UGGT1: variants seen among roughly 807,000 people sequenced by gnomAD.
UGGT1 encodes UDP-glucose:glycoprotein glucosyltransferase 1.
A neutral mutation model predicts 203.9 loss-of-function variants in UGGT1; 107 were observed. That is an observed-to-expected ratio of 0.52 (90% CI 0.45 to 0.62). UGGT1 has a LOEUF of 0.62. Ranked by LOEUF, UGGT1 falls within the 20% of genes least tolerant of loss-of-function variation. UGGT1 has a pLI of 0.00. For missense variants in UGGT1, 1,673 were observed against 1,867.2 expected, an observed-to-expected ratio of 0.90 and a Z score of 1.92; for synonymous variants, 628 against 653.5, an observed-to-expected ratio of 0.96 and a Z score of 0.59.
At chr2:128,150,514 C>T (rs185001210) in intron 18 of UGGT1, among the ~76,000 whole-genome samples, 5 of 152,206 alleles carry the variant, frequency 3.3e-5, no homozygotes, top group African/African-American at 1.2e-4. Context: ...TAGCCATACA[C>T]CCCTGTGCTG....
At position 128,122,867 on chromosome 2, in the gene UGGT1, T is replaced by G. The variant is rs73955924; in HGVS notation, c.1074-319T>G. 4.1e-3 allele frequency among the ~76,000 whole-genome samples: 632 copies of G among 152,324 alleles called. 5 individuals carry two copies. The highest frequency in any genetic ancestry group is 0.013 in the African/African-American group (554 of 41,568). On this transcript the variant is annotated intron_variant, in intron 10 of 40. Coordinates refer to ENST00000259253, the MANE Select transcript of UGGT1 (RefSeq NM_020120.4). ...TGGGAAGAGCAATCTGCTGCCTTGG[T>G]GTATTCAACATTATCCTTTTAGCCT...
chr2:128,093,232 C>T (rs1464184076), intron 1 of UGGT1, among the ~76,000 whole-genome samples: 2 of 144,924 alleles, frequency 1.4e-5, no homozygotes, highest in South Asian at 2.3e-4. Flanking sequence ...AGGGGGATCT[C>T]GAGGCAGGCC....
rs757032881 is a variant in UGGT1 at position 128,171,261 on chromosome 2, ACTTTCTGACATGC to A, written c.3086_3098del (p.Ser1029Ter). ...GAGTATTTATGAACTGCCAATCCAA[ACTTTCTGACATGC>A]CTTTAAAAAGGTAAAACATGCTATG... On this transcript the variant is annotated frameshift_variant, in exon 28 of 41. Coordinates refer to ENST00000259253, the MANE Select transcript of UGGT1 (RefSeq NM_020120.4). LOFTEE classifies it high-confidence loss of function. 1 of 1,613,594 alleles carries A rather than the reference ACTTTCTGACATGC, an allele frequency of 6.2e-7. No homozygotes were observed. Among genetic ancestry groups the A allele is most frequent in the Non-Finnish European group, 8.5e-7 (1 of 1,179,856 alleles).
At chr2:128,145,501 A>AACAC (rs538390479) in intron 17 of UGGT1, among the ~76,000 whole-genome samples, 9 of 104,860 alleles carry the variant, frequency 8.6e-5, no homozygotes, top group African/African-American at 2.2e-4. Flanking sequence ...CACACACACA[A>AACAC]ACACACACAC....
At chr2:128,172,286 T>G (rs1428461763) in intron 28 of UGGT1, among the ~76,000 whole-genome samples, 3 of 152,112 alleles carry the variant, frequency 2.0e-5, no homozygotes, top group African/African-American at 7.2e-5. Flanking sequence ...GGCTGCTGAG[T>G]ATGAGCTAGA....
At chr2:128,183,095 T>C (rs942924627) in intron 37 of UGGT1, among the ~76,000 whole-genome samples, 1 of 152,234 alleles carries the variant, frequency 6.6e-6, no homozygotes, top group African/African-American at 2.4e-5. Context: ...ATTTGTGAGA[T>C]AAATTCCTAG....
intron 18 of UGGT1, among the ~76,000 whole-genome samples, chr2:128,146,311 G>A (rs948909231): frequency 2.6e-4 from 40 of 151,576 alleles, no homozygotes; most frequent in Admixed American, 2.0e-3. Context: ...ACCCTGTCCC[G>A]TTAAAAAAAA....
At chr2:128,178,649 G>T (rs1030316332) in intron 34 of UGGT1, 80 bp downstream of exon 34, 3 of 1,253,178 alleles carry the variant, frequency 2.4e-6, no homozygotes, top group Non-Finnish European at 3.4e-6. Context: ...GGTTTTGTGG[G>T]ATTCTGCTCA....
intron 37 of UGGT1, among the ~76,000 whole-genome samples, chr2:128,182,664 A>T (rs1331389624): frequency 4.4e-5 from 6 of 136,884 alleles, no homozygotes; most frequent in Non-Finnish European, 7.6e-5. Flanking sequence ...ACGCCGCTGC[A>T]CTCCAGCCTG....
At chr2:128,102,564 AT>A (rs1463489471) in intron 2 of UGGT1, among the ~76,000 whole-genome samples, 2 of 152,202 alleles carry the variant, frequency 1.3e-5, no homozygotes, top group Non-Finnish European at 2.9e-5. Context: ...TTGTATTGTT[AT>A]TCTCTCCTCT....
chr2:128,159,958 T>C (rs773969866), intron 23 of UGGT1, among the ~76,000 whole-genome samples: 1 of 152,166 alleles, frequency 6.6e-6, no homozygotes, highest in Non-Finnish European at 1.5e-5. Context: ...TTATGCACAG[T>C]TTTTAAGAGA....
intron 25 of UGGT1, 124 bp from the exon 26 acceptor site, chr2:128,164,606 G>T (rs1690691315): frequency 2.7e-6 from 2 of 744,742 alleles, no homozygotes; most frequent in East Asian, 2.8e-5. Context: ...CTATCAGTAC[G>T]GACTTTATAC....
chr2:128,137,510 C>T (rs1285590824), intron 15 of UGGT1, among the ~76,000 whole-genome samples: 4 of 152,164 alleles, frequency 2.6e-5, no homozygotes, highest in Non-Finnish European at 5.9e-5. Flanking sequence ...CTTGTCCTTT[C>T]ATTCTGTTAA....
At chr2:128,109,866 C>A in intron 5 of UGGT1, 120 bp downstream of exon 5, 1 of 726,884 alleles carries the variant, frequency 1.4e-6, no homozygotes, top group Non-Finnish European at 2.3e-6. Context: ...TAGAGTATGG[C>A]TTCTGGAACC....
intron 10 of UGGT1, 25 bp from the exon 11 acceptor site, chr2:128,123,161 A>C: frequency 6.3e-7 from 1 of 1,589,456 alleles, no homozygotes; most frequent in Middle Eastern, 1.7e-4. Flanking sequence ...TAAGCCAAGC[A>C]CTCATAATGT....
At chr2:128,114,157 G>A (rs961191127) in intron 6 of UGGT1, among the ~76,000 whole-genome samples, 7 of 151,822 alleles carry the variant, frequency 4.6e-5, no homozygotes, top group Admixed American at 3.3e-4. Flanking sequence ...TCGCTCTGTC[G>A]CCCAGGCTGG....
intron 6 of UGGT1, 97 bp from the exon 7 acceptor site, chr2:128,115,027 A>C: frequency 9.9e-7 from 1 of 1,007,994 alleles, no homozygotes; most frequent in Non-Finnish European, 1.5e-6. Context: ...AATCCGAGGT[A>C]ATGGCTAGTA....
intron 11 of UGGT1, among the ~76,000 whole-genome samples, chr2:128,126,872 G>A (rs747292179): frequency 3.3e-5 from 5 of 151,842 alleles, no homozygotes; most frequent in Middle Eastern, 3.4e-3. Flanking sequence ...TAATAGAGAC[G>A]GGGTTTTGCC....
intron 13 of UGGT1, among the ~76,000 whole-genome samples, chr2:128,131,924 G>A (rs1688899407): frequency 6.6e-6 from 1 of 152,058 alleles, no homozygotes; most frequent in Admixed American, 6.6e-5. Flanking sequence ...ACCACACCCG[G>A]CAGTACTGCA....
Sources: gnomAD v4.1 joint callset for allele counts (sites outside exome capture counted in the v4.1 genomes callset) on GRCh38, gnomAD v4.1.1 for gene constraint, MANE v1.5 for transcripts, NCBI Gene and HGNC (gene_info 2026-07-23, HGNC 2026-07-21) for gene names.